The following TSPEAR variants were observed in gnomAD, a reference collection of about 807,000 sequenced individuals.
The protein encoded by TSPEAR is thrombospondin type laminin G domain and EAR repeats.
Under a neutral mutation model 71.6 loss-of-function variants are expected in TSPEAR, and 69 were observed. The ratio of observed to expected loss-of-function variants is 0.96; its 90% CI spans 0.79 to 1.18. The LOEUF is 1.18. Among genes scored for constraint, TSPEAR ranks in the 50% most tolerant of loss-of-function variants. The probability of loss-of-function intolerance (pLI) is 0.00; values close to 1 mark genes in which losing one functional copy is unlikely to be tolerated. For synonymous variants in TSPEAR, 402 were observed against 387.2 expected, an observed-to-expected ratio of 1.04 and a Z score of -0.45; for missense variants, 971 against 894.9, an observed-to-expected ratio of 1.09 and a Z score of -1.09.
Position 44,647,187 on chromosome 21 carries a change from C to T in TSPEAR, c.82+64246G>A, listed in dbSNP as rs75548048. 3.7e-3 allele frequency: 5,982 copies of T among 1,614,114 alleles called. 198 individuals carry two copies. The African/African-American group carries it at 0.069, about 19-fold the overall frequency. ...CCTCTGTGTCCCTCCTCTGCCACCC[C>T]GTGTGCAGGTCCACCTGCTGTGTGC... On this transcript the variant is annotated intron_variant, in intron 1 of 11. Transcript: ENST00000323084.
intron 11 of TSPEAR, among the ~76,000 whole-genome samples, chr21:44,502,070 C>T (rs782629773): frequency 2.0e-5 from 3 of 152,212 alleles, no homozygotes; most frequent in Non-Finnish European, 4.4e-5. Context: ...TGCATCATCA[C>T]CAAGTGGCAT....
chr21:44,563,317 T>A (rs1275672445), intron 2 of TSPEAR, among the ~76,000 whole-genome samples: 1 of 152,132 alleles, frequency 6.6e-6, no homozygotes, highest in Non-Finnish European at 1.5e-5. Context: ...TCTGTAGATG[T>A]AATATATATA....
At position 44,504,924 on chromosome 21, in the gene TSPEAR, G is replaced by A. The variant is rs138218601; in HGVS notation, c.1755-43C>T. 11 of 1,508,746 alleles carry A rather than the reference G, an allele frequency of 7.3e-6. No homozygotes were observed. In the East Asian group the frequency reaches 2.3e-4, roughly 31 times the overall value. The allele number at this position is 1,508,746 out of a possible 1,614,324, so 93.5% of individuals were successfully genotyped here. A position where few individuals can be genotyped will look rare whatever the true frequency, so the allele number is the denominator to read the frequency against. On this transcript the variant is annotated intron_variant, in intron 10 of 11. Coordinates refer to ENST00000323084, the MANE Select transcript of TSPEAR (RefSeq NM_144991.3). Reference sequence around the variant, plus strand: ...TGGATATTAGGACACAACAGACATCGCCAGGGAACTGGGGGATTGGCCAGA... The same window carrying A: ...TGGATATTAGGACACAACAGACATCACCAGGGAACTGGGGGATTGGCCAGA...
chr21:44,558,006 C>T (rs2053561863), intron 2 of TSPEAR: 2 of 1,568,078 alleles, frequency 1.3e-6, no homozygotes, highest in Middle Eastern at 1.7e-4. Context: ...TTTCGGAAGT[C>T]AGAGATGGCC....
intron 2 of TSPEAR, among the ~76,000 whole-genome samples, chr21:44,542,875 A>G (rs1245815876): frequency 6.6e-6 from 1 of 152,176 alleles, no homozygotes; most frequent in Non-Finnish European, 1.5e-5. Flanking sequence ...CCAAAGACAG[A>G]AAAATTTAAA....
chr21:44,592,491 G>T, intron 1 of TSPEAR: 5 of 1,603,536 alleles, frequency 3.1e-6, no homozygotes, highest in South Asian at 1.1e-5. Context: ...CCATGCTGGG[G>T]TTGAACTGGT....
At chr21:44,669,905 T>TG (rs1301046677) in intron 1 of TSPEAR, among the ~76,000 whole-genome samples, 3 of 152,150 alleles carry the variant, frequency 2.0e-5, no homozygotes, top group African/African-American at 4.8e-5. Context: ...GCCCATCTAC[T>TG]GGGGGGCATT....
intron 1 of TSPEAR, among the ~76,000 whole-genome samples, chr21:44,654,997 C>A (rs587704091): frequency 2.0e-5 from 3 of 152,094 alleles, no homozygotes; most frequent in East Asian, 1.9e-4. Context: ...CCAGGGGCCC[C>A]GTTTTGACTG....
chr21:44,579,965 C>G (rs1978801933), intron 1 of TSPEAR: 19 of 1,613,990 alleles, frequency 1.2e-5, no homozygotes, highest in Non-Finnish European at 1.5e-5. Context: ...AGCCGGCTGA[C>G]AGCTAGACTG....
intron 2 of TSPEAR, among the ~76,000 whole-genome samples, chr21:44,548,525 C>T (rs782176485): frequency 1.1e-4 from 16 of 152,150 alleles, no homozygotes; most frequent in African/African-American, 3.4e-4. Flanking sequence ...TGTGGGACCA[C>T]GTCCAAACCA....
chr21:44,591,867 G>GAATCCCCACTGCAGACA lies in TSPEAR; in HGVS notation c.83-23863_83-23862insTGTCTGCAGTGGGGATT, dbSNP rs1569206355. 5 of 1,587,772 alleles carry GAATCCCCACTGCAGACA rather than the reference G, an allele frequency of 3.1e-6. No individual in the cohort carries two copies. In the African/African-American group the frequency reaches 8.3e-5, roughly 26 times the overall value. Reference sequence around the variant, plus strand: ...GGCAGCTAGACTGCTGGCAGCATGAGGGTGTGCAGGAGCTGGTGCAGCCTG... The same window carrying GAATCCCCACTGCAGACA: ...GGCAGCTAGACTGCTGGCAGCATGAGAATCCCCACTGCAGACAGGTGTGCAGGAGCTGGTGCAGCCTG... On this transcript the variant is annotated intron_variant, in intron 1 of 11. Transcript: ENST00000323084.
chr21:44,697,913 C>A (rs1569266225), intron 1 of TSPEAR: 1 of 1,612,424 alleles, frequency 6.2e-7, no homozygotes. Flanking sequence ...CCTCTGCCGC[C>A]CCACATGTTC....
chr21:44,573,718 C>G, intron 1 of TSPEAR: 2 of 1,590,942 alleles, frequency 1.3e-6, no homozygotes, highest in Non-Finnish European at 1.7e-6. Context: ...CCACTCCCTC[C>G]CATCTCCCCC....
At chr21:44,534,648 G>A (rs903635692) in intron 2 of TSPEAR, among the ~76,000 whole-genome samples, 20 of 152,094 alleles carry the variant, frequency 1.3e-4, no homozygotes, top group African/African-American at 2.9e-4. Flanking sequence ...TTATGCTGGC[G>A]ACACTGTGGA....
At chr21:44,654,549 G>A (rs782279429) in intron 1 of TSPEAR, 1 of 1,610,718 alleles carries the variant, frequency 6.2e-7, no homozygotes, top group Non-Finnish European at 8.5e-7. Flanking sequence ...AGCAGGTGCT[G>A]GGGACACAGC....
intron 1 of TSPEAR, among the ~76,000 whole-genome samples, chr21:44,662,269 CATAG>C (rs1312431385): frequency 6.6e-5 from 10 of 151,992 alleles, no homozygotes; most frequent in Non-Finnish European, 1.0e-4. Flanking sequence ...ATATAAAAAA[CATAG>C]ATAGGTTAAA....
intron 1 of TSPEAR, among the ~76,000 whole-genome samples, chr21:44,581,228 G>A (rs1466109588): frequency 1.3e-5 from 2 of 152,036 alleles, no homozygotes; most frequent in African/African-American, 2.4e-5. Flanking sequence ...TTGAAGCTGC[G>A]CTCTGGGTTT....
At chr21:44,632,970 A>C (rs1427571892) in intron 1 of TSPEAR, among the ~76,000 whole-genome samples, 1 of 152,226 alleles carries the variant, frequency 6.6e-6, no homozygotes, top group Non-Finnish European at 1.5e-5. Flanking sequence ...TAATATCACT[A>C]AACATGCTTA....
chr21:44,580,676 G>A, intron 1 of TSPEAR: 1 of 1,255,074 alleles, frequency 8.0e-7, no homozygotes, highest in South Asian at 1.4e-5. Context: ...AGGTGCTCAG[G>A]GCTGTGGGGC....
Sources: gnomAD v4.1 joint callset for allele counts (sites outside exome capture counted in the v4.1 genomes callset) on GRCh38, gnomAD v4.1.1 for gene constraint, MANE v1.5 for transcripts, NCBI Gene and HGNC (gene_info 2026-07-23, HGNC 2026-07-21) for gene names.